Variants in MIS18A observed in about 807,000 individuals in gnomAD.
The protein encoded by MIS18A is protein Mis18-alpha.
MIS18A carries 14 observed loss-of-function variants against 25.0 expected under a neutral mutation model. That is an observed-to-expected ratio of 0.56 (90% CI 0.37 to 0.88). MIS18A has a LOEUF of 0.88. MIS18A is among the 40% of genes least tolerant of loss of function. The pLI is 0.00. For missense variants in MIS18A, 292 were observed against 290.8 expected (o/e 1.00, Z -0.03); for synonymous variants, 134 against 118.6 (o/e 1.13, Z -0.84).
At chr21:32,229,602 G>A in the MIS18A span, among the ~76,000 whole-genome samples, 2 of 152,170 alleles carry the variant, frequency 1.3e-5, no homozygotes, top group Admixed American at 6.5e-5. Flanking sequence ...ACATGGTCCC[G>A]CATCTTTGCC....
chr21:32,186,674 A>G, the MIS18A span, among the ~76,000 whole-genome samples: 17 of 152,208 alleles, frequency 1.1e-4, no homozygotes, highest in African/African-American at 4.1e-4. Flanking sequence ...GAGAGAGAGA[A>G]AGAAATTAAG....
chr21:32,274,943 A>T (rs1325474821), intron 1 of MIS18A, 47 bp from the exon 2 acceptor site: 1 of 1,466,678 alleles, frequency 6.8e-7, no homozygotes, highest in South Asian at 1.2e-5. Flanking sequence ...AGTTCGTTAT[A>T]ACATACCTGC....
intron 4 of MIS18A, 46 bp downstream of exon 4, chr21:32,269,661 G>T: frequency 1.7e-6 from 2 of 1,211,734 alleles, no homozygotes; most frequent in South Asian, 1.3e-5. Context: ...CTTCTTCACT[G>T]ACAAACTGTT....
intron 4 of MIS18A, 148 bp from the exon 5 acceptor site, chr21:32,269,265 T>C (rs1351017250): frequency 1.6e-6 from 1 of 610,838 alleles, no homozygotes; most frequent in Non-Finnish European, 2.7e-6. Context: ...CAAAACTATT[T>C]AGAGGCATAA....
At chr21:32,184,162 GATATC>G in the MIS18A span, among the ~76,000 whole-genome samples, 1 of 152,284 alleles carries the variant, frequency 6.6e-6, no homozygotes, top group East Asian at 1.9e-4. Flanking sequence ...GCATGACTGG[GATATC>G]ATCTGCTTAT....
At chr21:32,258,641 G>A in the MIS18A span, among the ~76,000 whole-genome samples, 1 of 152,006 alleles carries the variant, frequency 6.6e-6, no homozygotes, top group Non-Finnish European at 1.5e-5. Context: ...AATGACTACG[G>A]TACTCAGCAA....
chr21:32,265,461 G>A (rs532000562), downstream of MIS18A, among the ~76,000 whole-genome samples: 8 of 152,352 alleles, frequency 5.3e-5, no homozygotes, highest in South Asian at 1.2e-3. Flanking sequence ...GGCAATGGGG[G>A]ACTTAGCACC....
chr21:32,263,807 C>CTT (rs60800890), downstream of MIS18A, among the ~76,000 whole-genome samples: 10 of 121,100 alleles, frequency 8.3e-5, no homozygotes, highest in Non-Finnish European at 1.3e-4. Flanking sequence ...GGGAAGCCTT[C>CTT]TTTTTTTTTT....
downstream of MIS18A, among the ~76,000 whole-genome samples, chr21:32,263,664 A>G (rs1353793230): frequency 6.6e-6 from 1 of 152,178 alleles, no homozygotes; most frequent in Non-Finnish European, 1.5e-5. Flanking sequence ...TTCATTTTAG[A>G]CGTACTAAAC....
the MIS18A span, among the ~76,000 whole-genome samples, chr21:32,190,724 G>C: frequency 6.6e-6 from 1 of 152,218 alleles, no homozygotes; most frequent in South Asian, 2.1e-4. Flanking sequence ...GCATGTGACT[G>C]TTTGCTGTGG....
chr21:32,257,578 T>C, the MIS18A span, among the ~76,000 whole-genome samples: 1 of 152,336 alleles, frequency 6.6e-6, no homozygotes, highest in East Asian at 1.9e-4. Context: ...AGGTTTCCAT[T>C]TCAAATCAAT....
chr21:32,226,097 A>C, the MIS18A span, among the ~76,000 whole-genome samples: 1 of 125,338 alleles, frequency 8.0e-6, no homozygotes. Context: ...ACATGGACAC[A>C]TGAAGGGGAA....
the MIS18A span, among the ~76,000 whole-genome samples, chr21:32,177,217 TTAA>T: frequency 5.3e-5 from 8 of 152,214 alleles, no homozygotes; most frequent in Non-Finnish European, 8.8e-5. Context: ...TAAGACCATC[TTAA>T]TAAATGCAGA....
At chr21:32,202,031 G>A in the MIS18A span, among the ~76,000 whole-genome samples, 1 of 152,184 alleles carries the variant, frequency 6.6e-6, no homozygotes, top group Admixed American at 6.5e-5. Flanking sequence ...GCTCATGCCT[G>A]TAATCTCAGC....
chr21:32,243,131 T>A, the MIS18A span, among the ~76,000 whole-genome samples: 1 of 152,160 alleles, frequency 6.6e-6, no homozygotes, highest in Non-Finnish European at 1.5e-5. Context: ...CAAACCTAAA[T>A]GAAAAACGTT....
At chr21:32,257,194 G>C in the MIS18A span, among the ~76,000 whole-genome samples, 1 of 152,222 alleles carries the variant, frequency 6.6e-6, no homozygotes, top group Non-Finnish European at 1.5e-5. Flanking sequence ...AGGGGAACTT[G>C]AGCAAGTGAA....
rs8129993 is a variant in MIS18A, at chr21:32,268,841, A to G, written c.*196T>C. The G allele has an allele frequency of 0.41, 170,837 of 414,236 alleles. 38,331 individuals carry two copies. The highest frequency in any genetic ancestry group is 0.7 in the African/African-American group (33,886 of 48,670). The allele number at this position is 414,236 out of a possible 1,614,324, so 25.7% of individuals were successfully genotyped here. ...CTCACTCTGTTGCCCAGACTAGAACACAGTAGTGGCATGACCAAGGCTCAC... is the reference window on the plus strand; with the variant it reads ...CTCACTCTGTTGCCCAGACTAGAACGCAGTAGTGGCATGACCAAGGCTCAC... On this transcript the variant is annotated 3_prime_UTR_variant, in exon 5 of 5. Transcript: ENST00000290130.
At position 32,269,906 on chromosome 21, in the gene MIS18A, G is replaced by A. The variant is rs1315859282; in HGVS notation, c.525-103C>T. On this transcript the variant is annotated intron_variant, in intron 3 of 4. Transcript: ENST00000290130. ...ACAGAAGGATCATCTGAGGCTAGGA[G>A]TTTGAAACCAGCCTGGGCAACACAA... The A allele has an allele frequency of 1.2e-5, 9 of 735,128 alleles. No individual in the cohort carries two copies. The Admixed American group carries it at 2.1e-4, about 18-fold the overall frequency. The allele number at this position is 735,128 out of a possible 1,614,324, so 45.5% of individuals were successfully genotyped here. A position where few individuals can be genotyped will look rare whatever the true frequency, so the allele number is the denominator to read the frequency against.
intron 4 of MIS18A, 89 bp downstream of exon 4, chr21:32,269,618 G>A: frequency 1.3e-6 from 1 of 744,454 alleles, no homozygotes; most frequent in East Asian, 2.7e-5. Context: ...CAACACAGAT[G>A]ACGTTATGAG....
Sources: gnomAD v4.1 joint callset for allele counts (sites outside exome capture counted in the v4.1 genomes callset) on GRCh38, gnomAD v4.1.1 for gene constraint, MANE v1.5 for transcripts, NCBI Gene and HGNC (gene_info 2026-07-23, HGNC 2026-07-21) for gene names.